CSMD1: variants seen among roughly 807,000 people sequenced by gnomAD.
CSMD1 encodes the protein CUB and Sushi multiple domains 1.
CSMD1 carries 213 observed loss-of-function variants against 417.5 expected under a neutral mutation model. The observed-to-expected ratio is 0.51, with a 90% CI of 0.46 to 0.57. The LOEUF is 0.57. Among genes scored for constraint, CSMD1 ranks in the 20% least tolerant of loss-of-function variants. The pLI is 0.00. For synonymous variants in CSMD1, 2,862 were observed against 1,736.8 expected (o/e 1.65, Z -16.11); for missense variants, 6,923 against 4,529.7 (o/e 1.53, Z -15.17).
intron 5 of CSMD1, among the ~76,000 whole-genome samples, chr8:3,806,246 T>A (rs1416083492): frequency 6.6e-6 from 1 of 152,176 alleles, no homozygotes; most frequent in East Asian, 1.9e-4. Context: ...ACATGCAGGT[T>A]GTTTTCACAG....
chr8:3,317,162 ATTG>A (rs977648379), intron 23 of CSMD1, among the ~76,000 whole-genome samples: 5 of 152,174 alleles, frequency 3.3e-5, no homozygotes, highest in African/African-American at 9.6e-5. Context: ...AATCATCAGC[ATTG>A]TTGTCACATA....
At chr8:3,266,394 C>A (rs1382654329) in intron 26 of CSMD1, among the ~76,000 whole-genome samples, 2 of 151,522 alleles carry the variant, frequency 1.3e-5, no homozygotes, top group African/African-American at 2.4e-5. Context: ...TCACCTGAGA[C>A]TAGGAGATTG....
At chr8:2,959,250 C>A (rs1030558967) in intron 62 of CSMD1, among the ~76,000 whole-genome samples, 6 of 152,158 alleles carry the variant, frequency 3.9e-5, no homozygotes, top group African/African-American at 1.2e-4. Context: ...ACAACAGGTG[C>A]ACCTTACCAT....
intron 3 of CSMD1, among the ~76,000 whole-genome samples, chr8:4,072,266 G>T (rs1288987295): frequency 6.6e-6 from 1 of 152,040 alleles, no homozygotes; most frequent in Admixed American, 6.6e-5. Context: ...AGTTTATTTG[G>T]CCATCCTGAA....
At chr8:4,098,885 T>C (rs1201121549) in intron 3 of CSMD1, among the ~76,000 whole-genome samples, 3 of 152,190 alleles carry the variant, frequency 2.0e-5, no homozygotes, top group Non-Finnish European at 1.5e-5. Context: ...CAGAAAGCAC[T>C]GAGGACCAAC....
chr8:3,045,428 C>T (rs1357409427), intron 50 of CSMD1, among the ~76,000 whole-genome samples: 1 of 152,088 alleles, frequency 6.6e-6, no homozygotes, highest in Non-Finnish European at 1.5e-5. Flanking sequence ...TACCTTAAGC[C>T]CTGTCATATG....
At chr8:4,807,979 C>T (rs1404351115) in intron 1 of CSMD1, among the ~76,000 whole-genome samples, 1 of 152,132 alleles carries the variant, frequency 6.6e-6, no homozygotes, top group African/African-American at 2.4e-5. Context: ...GAAAAACTTC[C>T]CAAACAGTAA....
chr8:3,103,541 T>C (rs1205118609), intron 46 of CSMD1, among the ~76,000 whole-genome samples: 2 of 152,092 alleles, frequency 1.3e-5, no homozygotes, highest in African/African-American at 2.4e-5. Context: ...CCCGTAGTAC[T>C]GCAACTGCTA....
At chr8:3,971,157 G>A (rs1009226891) in intron 5 of CSMD1, among the ~76,000 whole-genome samples, 3 of 111,960 alleles carry the variant, frequency 2.7e-5, no homozygotes, top group Non-Finnish European at 6.1e-5. Flanking sequence ...TATTTACGCT[G>A]CCTCCTGGCA....
intron 5 of CSMD1, among the ~76,000 whole-genome samples, chr8:3,782,165 A>C (rs1449181159): frequency 6.6e-6 from 1 of 152,220 alleles, no homozygotes; most frequent in Non-Finnish European, 1.5e-5. Flanking sequence ...AAACAAACGA[A>C]GTCAAAGAAG....
intron 7 of CSMD1, among the ~76,000 whole-genome samples, chr8:3,707,457 G>C (rs74568552): frequency 0.027 from 4,185 of 152,276 alleles, 177 homozygotes; most frequent in African/African-American, 0.095. Flanking sequence ...TGCCAGGGAA[G>C]CATAGAAAAC....
chr8:4,196,614 C>T (rs1318249824), intron 3 of CSMD1, among the ~76,000 whole-genome samples: 2 of 152,164 alleles, frequency 1.3e-5, no homozygotes, highest in African/African-American at 4.8e-5. Flanking sequence ...TGTGAATCTT[C>T]AAGGCCAGCA....
rs569892932 is a variant in CSMD1, at chr8:3,801,315, T to G, written c.819-47273A>C. On this transcript the variant is annotated intron_variant, in intron 5 of 69. Transcript: ENST00000635120. ...TTGGGAAAAAGATTTAAATAGACATTTCTCCAAAGAAGACATACAAATGGC... is the reference window on the plus strand; with the variant it reads ...TTGGGAAAAAGATTTAAATAGACATGTCTCCAAAGAAGACATACAAATGGC... 2.0e-5 allele frequency among the ~76,000 whole-genome samples: 3 copies of G among 152,192 alleles called. No individual in the cohort carries two copies. The South Asian group carries it at 6.2e-4, about 32-fold the overall frequency.
chr8:2,971,513 T>A (rs900204410), intron 57 of CSMD1, among the ~76,000 whole-genome samples: 7 of 152,172 alleles, frequency 4.6e-5, no homozygotes, highest in African/African-American at 1.7e-4. Context: ...GGCAATACCA[T>A]AGAAATGACA....
At chr8:3,583,068 T>G (rs932036527) in intron 9 of CSMD1, among the ~76,000 whole-genome samples, 1 of 152,160 alleles carries the variant, frequency 6.6e-6, no homozygotes, top group Non-Finnish European at 1.5e-5. Flanking sequence ...CTCCTGCCTG[T>G]GGACAGCAGC....
intron 3 of CSMD1, among the ~76,000 whole-genome samples, chr8:4,402,891 C>T (rs1446588153): frequency 7.3e-6 from 1 of 137,676 alleles, no homozygotes; most frequent in East Asian, 2.3e-4. Flanking sequence ...GCAATCTGGG[C>T]TCACTGCCAG....
intron 8 of CSMD1, among the ~76,000 whole-genome samples, chr8:3,590,693 C>G (rs1013429812): frequency 1.3e-5 from 2 of 152,148 alleles, no homozygotes; most frequent in African/African-American, 2.4e-5. Flanking sequence ...CAGGAGCAAC[C>G]TCTTCATTTG....
intron 2 of CSMD1, among the ~76,000 whole-genome samples, chr8:4,470,948 C>G (rs1337335547): frequency 1.3e-5 from 2 of 152,146 alleles, no homozygotes; most frequent in African/African-American, 4.8e-5. Context: ...GGATTTCCCT[C>G]AAGTGACATG....
chr8:4,020,110 T>C (rs1796715894), intron 4 of CSMD1, among the ~76,000 whole-genome samples: 1 of 152,276 alleles, frequency 6.6e-6, no homozygotes, highest in South Asian at 2.1e-4. Flanking sequence ...AGTTTCTCTA[T>C]GTGTCAGGCT....
Sources: gnomAD v4.1 joint callset for allele counts (sites outside exome capture counted in the v4.1 genomes callset) on GRCh38, gnomAD v4.1.1 for gene constraint, MANE v1.5 for transcripts, NCBI Gene and HGNC (gene_info 2026-07-23, HGNC 2026-07-21) for gene names.